Variants in FNBP1 observed in about 807,000 individuals in gnomAD.
FNBP1 encodes the protein formin-binding protein 1.
Under a neutral mutation model 90.6 loss-of-function variants are expected in FNBP1, and 26 were observed. The observed-to-expected ratio is 0.29, with a 90% CI of 0.21 to 0.40. The LOEUF is 0.40. Ranked by LOEUF, FNBP1 falls within the 10% of genes least tolerant of loss-of-function variation. FNBP1 has a pLI of 1.00. For synonymous variants in FNBP1, 260 were observed against 265.2 expected (o/e 0.98, Z 0.19); for missense variants, 635 against 768.0 (o/e 0.83, Z 2.05).
intron 13 of FNBP1, among the ~76,000 whole-genome samples, chr9:129,902,116 G>C (rs1176148445): frequency 6.6e-6 from 1 of 152,024 alleles, no homozygotes; most frequent in Non-Finnish European, 1.5e-5. Context: ...TTTCCTGCTT[G>C]TTTCTCCTTT....
intron 6 of FNBP1, among the ~76,000 whole-genome samples, chr9:129,937,257 A>G (rs2043620217): frequency 6.6e-6 from 1 of 152,156 alleles, no homozygotes; most frequent in Non-Finnish European, 1.5e-5. Flanking sequence ...TATCCTAATG[A>G]TATAATAACA....
At chr9:129,924,052 C>T in intron 9 of FNBP1, 26 bp from the exon 10 acceptor site, 1 of 1,481,396 alleles carries the variant, frequency 6.8e-7, no homozygotes, top group Admixed American at 3.0e-5. Context: ...GGAGCCGTGA[C>T]AGAGTAAAAA....
chr9:130,009,728 G>C (rs1335911281), intron 1 of FNBP1, among the ~76,000 whole-genome samples: 2 of 152,140 alleles, frequency 1.3e-5, no homozygotes, highest in Non-Finnish European at 2.9e-5. Flanking sequence ...CTTGAACCCG[G>C]GAGGTGGAGG....
At chr9:130,020,519 A>ATTT (rs573322281) in intron 1 of FNBP1, among the ~76,000 whole-genome samples, 1 of 151,880 alleles carries the variant, frequency 6.6e-6, no homozygotes, top group Non-Finnish European at 1.5e-5. Context: ...TTATTAGGCA[A>ATTT]TTTTTTTTCT....
At chr9:129,963,616 C>CAT (rs1554820118) in intron 4 of FNBP1, among the ~76,000 whole-genome samples, 1 of 115,306 alleles carries the variant, frequency 8.7e-6, no homozygotes, top group Non-Finnish European at 1.7e-5. Flanking sequence ...TCCTTCCAGC[C>CAT]TTTTTTTTTT....
At chr9:129,904,407 C>T (rs2037576373) in intron 12 of FNBP1, among the ~76,000 whole-genome samples, 1 of 152,054 alleles carries the variant, frequency 6.6e-6, no homozygotes, top group South Asian at 2.1e-4. Flanking sequence ...TGTTGCAGGG[C>T]ACTTTTGGTA....
At chr9:130,020,236 C>T (rs2057685354) in intron 1 of FNBP1, among the ~76,000 whole-genome samples, 1 of 152,138 alleles carries the variant, frequency 6.6e-6, no homozygotes, top group Non-Finnish European at 1.5e-5. Flanking sequence ...GAGATGGAGT[C>T]TAGCTTTGTA....
intron 16 of FNBP1, among the ~76,000 whole-genome samples, chr9:129,894,471 G>A (rs1488965668): frequency 6.6e-6 from 1 of 152,092 alleles, no homozygotes; most frequent in Non-Finnish European, 1.5e-5. Flanking sequence ...CCTTGCCAAT[G>A]ATTAAAAGCA....
At chr9:130,025,577 C>G (rs1245056250) in intron 1 of FNBP1, among the ~76,000 whole-genome samples, 5 of 152,156 alleles carry the variant, frequency 3.3e-5, no homozygotes, top group Non-Finnish European at 7.3e-5. Context: ...TTGATCACGT[C>G]CACAATACCC....
chr9:129,974,296 A>G (rs2049968525), intron 4 of FNBP1, among the ~76,000 whole-genome samples: 2 of 151,756 alleles, frequency 1.3e-5, no homozygotes, highest in Admixed American at 1.3e-4. Context: ...AGAGCAACAC[A>G]CCCAGCTCAC....
At chr9:129,999,188 C>T (rs919712124) in intron 1 of FNBP1, among the ~76,000 whole-genome samples, 14 of 152,132 alleles carry the variant, frequency 9.2e-5, no homozygotes, top group African/African-American at 1.2e-4. Context: ...ATATTATAAA[C>T]GGCTCTTTAA....
intron 6 of FNBP1, among the ~76,000 whole-genome samples, chr9:129,941,971 T>C (rs546506725): frequency 6.6e-6 from 1 of 151,856 alleles, no homozygotes; most frequent in Admixed American, 6.6e-5. Flanking sequence ...CTTGGGAGGC[T>C]GAGGCAGGAG....
At chr9:129,931,451 A>T (rs2042725206) in intron 6 of FNBP1, among the ~76,000 whole-genome samples, 1 of 151,586 alleles carries the variant, frequency 6.6e-6, no homozygotes, top group South Asian at 2.1e-4. Context: ...AAAAAAATAC[A>T]AAAAATTAGC....
chr9:129,933,537 G>C (rs992127109), intron 6 of FNBP1: 1 of 152,092 alleles, frequency 6.6e-6, no homozygotes, highest in Non-Finnish European at 1.5e-5. Flanking sequence ...ACATAACAAG[G>C]GCCCTAGACG....
chr9:129,958,436 A>G (rs2047273851), intron 5 of FNBP1, 55 bp downstream of exon 5: 2 of 1,337,582 alleles, frequency 1.5e-6, no homozygotes, highest in East Asian at 2.8e-5. Context: ...CGTCTCAAAA[A>G]AAAAGAAAAA....
chr9:129,910,339 G>C (rs1420208234), intron 11 of FNBP1, among the ~76,000 whole-genome samples: 1 of 152,042 alleles, frequency 6.6e-6, no homozygotes, highest in Admixed American at 6.6e-5. Context: ...AAAACTAGCT[G>C]GGCGTGGTGG....
intron 2 of FNBP1, among the ~76,000 whole-genome samples, chr9:129,986,025 A>G (rs2052160400): frequency 6.7e-6 from 1 of 148,998 alleles, no homozygotes; most frequent in African/African-American, 2.4e-5. Context: ...AATCCCAGCT[A>G]CTTGGGAGGC....
Position 129,887,350 on chromosome 9 carries a change from A to C in FNBP1, c.*3189T>G, listed in dbSNP as rs1427910198. Reference sequence around the variant, plus strand: ...CGGCCTCACACAGCAAAATGCCTCCAAAGTTTAGAATTAGTGCAACACACA... The same window carrying C: ...CGGCCTCACACAGCAAAATGCCTCCCAAGTTTAGAATTAGTGCAACACACA... On this transcript the variant is annotated 3_prime_UTR_variant, in exon 17 of 17. Coordinates refer to ENST00000446176, the MANE Select transcript of FNBP1 (RefSeq NM_015033.3). The C allele has an allele frequency of 1.0e-5, 2 of 199,648 alleles. No homozygotes were observed. Among genetic ancestry groups the C allele is most frequent in the Admixed American group, 6.0e-5 (1 of 16,576 alleles). 12.4% of individuals were successfully genotyped at this position (199,648 alleles called of 1,614,324 possible).
At chr9:130,004,262 C>CG (rs1227432829) in intron 1 of FNBP1, among the ~76,000 whole-genome samples, 4 of 145,842 alleles carry the variant, frequency 2.7e-5, no homozygotes, top group Admixed American at 2.7e-4. Context: ...GACTCCATCT[C>CG]GAAAAAAAAA....
Sources: allele counts gnomAD v4.1 joint callset (sites outside exome capture counted in the v4.1 genomes callset), GRCh38; gene constraint gnomAD v4.1.1; transcripts MANE v1.5; gene names NCBI Gene and HGNC (gene_info 2026-07-23, HGNC 2026-07-21).